ZFHX3: variants seen among roughly 807,000 people sequenced by gnomAD.
The protein encoded by ZFHX3 is zinc finger homeobox 3, also known as zinc finger homeobox protein 3.
ZFHX3 carries 42 observed loss-of-function variants against 279.1 expected under a neutral mutation model. The observed-to-expected ratio is 0.15, with a 90% CI of 0.12 to 0.19. ZFHX3 has a LOEUF of 0.19. Ranked by LOEUF, ZFHX3 falls within the 10% of genes least tolerant of loss-of-function variation. The pLI, the probability that ZFHX3 is intolerant of heterozygous loss-of-function variation, is 1.00. For synonymous variants in ZFHX3, 2,293 were observed against 1,957.8 expected, an observed-to-expected ratio of 1.17 and a Z score of -4.52; for missense variants, 4,981 against 4,754.0, an observed-to-expected ratio of 1.05 and a Z score of -1.40.
intron 1 of ZFHX3, among the ~76,000 whole-genome samples, chr16:73,769,114 A>T (rs1261742086): frequency 1.3e-5 from 2 of 152,124 alleles, no homozygotes. Flanking sequence ...GGCAAGCCTG[A>T]CCCTGACCTT....
At chr16:73,642,115 A>G (rs980258125) in intron 2 of ZFHX3, among the ~76,000 whole-genome samples, 2 of 152,184 alleles carry the variant, frequency 1.3e-5, no homozygotes, top group Admixed American at 6.5e-5. Flanking sequence ...ATCAGGTCAC[A>G]TTGGTTCATG....
chr16:73,446,898 AG>A (rs2018195936), intron 3 of ZFHX3, among the ~76,000 whole-genome samples: 1 of 152,108 alleles, frequency 6.6e-6, no homozygotes, highest in African/African-American at 2.4e-5. Context: ...AAAACAAAAA[AG>A]GCTGGGCACG....
At chr16:73,238,236 CTTTGT>C (rs1448822384) in intron 5 of ZFHX3, among the ~76,000 whole-genome samples, 1 of 152,126 alleles carries the variant, frequency 6.6e-6, no homozygotes, top group African/African-American at 2.4e-5. Flanking sequence ...ACTGTAAACA[CTTTGT>C]TTTGTGTAAT....
chr16:73,173,795 G>C (rs1329420905), intron 5 of ZFHX3, among the ~76,000 whole-genome samples: 5 of 152,180 alleles, frequency 3.3e-5, no homozygotes, highest in South Asian at 4.1e-4. Context: ...TTCCCATGAA[G>C]GGAACGCTAT....
intron 1 of ZFHX3, among the ~76,000 whole-genome samples, chr16:73,792,736 T>C (rs1318197756): frequency 1.3e-5 from 2 of 152,166 alleles, no homozygotes; most frequent in Non-Finnish European, 2.9e-5. Flanking sequence ...AAAACGGTTG[T>C]TCGAAAAGGC....
intron 7 of ZFHX3, among the ~76,000 whole-genome samples, chr16:73,104,323 T>C (rs8061627): frequency 0.37 from 56,292 of 151,896 alleles, 10,821 homozygotes; most frequent in South Asian, 0.43. Flanking sequence ...CTCCACCTCC[T>C]GGGCTCAAGT....
At chr16:73,154,007 A>G (rs1445459912) in intron 5 of ZFHX3, among the ~76,000 whole-genome samples, 1 of 152,134 alleles carries the variant, frequency 6.6e-6, no homozygotes, top group African/African-American at 2.4e-5. Context: ...CCTGGCCTCA[A>G]AACAAGCATT....
rs2039083096 is a variant in ZFHX3 at position 72,903,189 on chromosome 16, G to T, written c.3217-13227C>A. On this transcript the variant is annotated intron_variant, in intron 3 of 9. Transcript: ENST00000268489. The stretch of plus-strand genomic sequence containing the variant: ...GCCCACTGTGGAGGTCGTTGAGAAA[G>T]GCCCATGCTAAGGGCAGGTCCCGCC... 6.6e-5 allele frequency among the ~76,000 whole-genome samples: 10 copies of T among 152,286 alleles called. No homozygotes were observed. The South Asian group carries it at 1.7e-3, about 25-fold the overall frequency.
chr16:73,212,463 A>C (rs1300685776), intron 5 of ZFHX3, among the ~76,000 whole-genome samples: 3 of 152,178 alleles, frequency 2.0e-5, no homozygotes, highest in African/African-American at 7.2e-5. Flanking sequence ...CAGTTTATCC[A>C]TTGCATTCTG....
At chr16:73,771,037 C>T (rs2054012132) in intron 1 of ZFHX3, among the ~76,000 whole-genome samples, 3 of 152,136 alleles carry the variant, frequency 2.0e-5, no homozygotes, top group Admixed American at 2.0e-4. Context: ...CATCTCTGGG[C>T]TTTGGTTTTC....
chr16:73,025,115 G>T (rs150144141), intron 1 of ZFHX3, among the ~76,000 whole-genome samples: 26 of 152,332 alleles, frequency 1.7e-4, no homozygotes, highest in Non-Finnish European at 2.4e-4. Context: ...GGGAACGAAG[G>T]GAGGGTCATT....
intron 2 of ZFHX3, among the ~76,000 whole-genome samples, chr16:73,630,915 G>A (rs1172426054): frequency 8.5e-5 from 13 of 152,248 alleles, no homozygotes. Context: ...TGACATGAAT[G>A]TCTACTTTTG....
In ZFHX3 at chr16:72,957,533, G is replaced by C. The variant is rs755966028; in HGVS notation, c.2613C>G (p.Asn871Lys). Residue 871 changes from asparagine to lysine, a missense_variant, in exon 2 of 10, where the codon AAC (asparagine) becomes AAG (lysine). Asn to Lys is a moderately conservative substitution (Grantham distance 94, BLOSUM62 0). Around this residue, in one of 7 missense-constraint regions of ZFHX3, gnomAD observed 1,751 missense variants for 1,770.0 expected, o/e 0.99. Transcript: ENST00000268489. ...LYQYYLAQNMNLPNLKMDSAA... is the reference protein window; with the variant it reads ...LYQYYLAQNMKLPNLKMDSAA... Reference sequence around the variant, plus strand: ...CACTGTCCATCTTCAGGTTGGGCAGGTTCATGTTCTGGGCCAGGTAGTATT... The same window carrying C: ...CACTGTCCATCTTCAGGTTGGGCAGCTTCATGTTCTGGGCCAGGTAGTATT... 2.0e-5 allele frequency: 33 copies of C among 1,614,098 alleles called. No individual in the cohort carries two copies. The highest frequency in any genetic ancestry group is 2.7e-5 in the Non-Finnish European group (32 of 1,180,048).
intron 1 of ZFHX3, among the ~76,000 whole-genome samples, chr16:72,994,538 G>A (rs1963209668): frequency 6.6e-6 from 1 of 152,186 alleles, no homozygotes; most frequent in Non-Finnish European, 1.5e-5. Context: ...TCGAGCCAAG[G>A]GGGCCTGGCT....
chr16:73,822,977 C>T (rs1035001662), intron 1 of ZFHX3, among the ~76,000 whole-genome samples: 2 of 152,182 alleles, frequency 1.3e-5, no homozygotes, highest in African/African-American at 4.8e-5. Context: ...GAGCAACTTA[C>T]CATACGTCAT....
At chr16:73,664,707 A>C (rs2052817645) in intron 2 of ZFHX3, among the ~76,000 whole-genome samples, 1 of 152,240 alleles carries the variant, frequency 6.6e-6, no homozygotes, top group Non-Finnish European at 1.5e-5. Context: ...AAATTATAAA[A>C]ACACTCCTTT....
In ZFHX3 at chr16:73,671,411, A is replaced by C. The variant is rs1402624064; in HGVS notation, c.-1547+8769T>G. 2.0e-5 allele frequency among the ~76,000 whole-genome samples: 3 copies of C among 152,252 alleles called. No individual in the cohort carries two copies. The East Asian group carries it at 5.8e-4, about 29-fold the overall frequency. ...GGAGCTGAGATGAGCAGAGAAACAC[A>C]GGCAGATAAAGATGAACCATCACCA... is the stretch of plus-strand genomic sequence containing the variant. On this transcript the variant is annotated intron_variant, in intron 2 of 17. Transcript: ENST00000641206.
At chr16:73,690,949 T>C (rs531964405) in intron 1 of ZFHX3, among the ~76,000 whole-genome samples, 4 of 152,234 alleles carry the variant, frequency 2.6e-5, no homozygotes, top group East Asian at 1.9e-4. Flanking sequence ...TGGTTTGGAG[T>C]AGTTTGTTAT....
At chr16:73,149,146 TATC>T (rs1394787175) in intron 5 of ZFHX3, among the ~76,000 whole-genome samples, 10 of 148,452 alleles carry the variant, frequency 6.7e-5, no homozygotes, top group Admixed American at 5.4e-4. Flanking sequence ...TATAGACTAT[TATC>T]AACAGATATT....
Sources: gnomAD v4.1 joint callset for allele counts (sites outside exome capture counted in the v4.1 genomes callset) on GRCh38, gnomAD v4.1.1 for gene constraint, gnomAD v4.1.1 regional missense constraint, MANE v1.5 for transcripts, NCBI Gene and HGNC (gene_info 2026-07-23, HGNC 2026-07-21) for gene names.